The following GMDS variants were observed in gnomAD, a reference collection of about 807,000 sequenced individuals.
The protein encoded by GMDS is GDP-mannose 4,6 dehydratase.
In GMDS, 20 loss-of-function variants were observed where a neutral mutation model predicts 49.9. That is an observed-to-expected ratio of 0.40 (90% CI 0.28 to 0.58). The LOEUF is 0.58. Among genes scored for constraint, GMDS ranks in the 20% least tolerant of loss-of-function variants. The pLI is 0.42. For missense variants in GMDS, 362 were observed against 481.4 expected, an observed-to-expected ratio of 0.75 and a Z score of 2.32; for synonymous variants, 177 against 178.6, an observed-to-expected ratio of 0.99 and a Z score of 0.07.
chr6:1,992,680 C>A (rs1334876605), intron 4 of GMDS, among the ~76,000 whole-genome samples: 12 of 152,130 alleles, frequency 7.9e-5, no homozygotes, highest in Admixed American at 4.6e-4. Flanking sequence ...CTACAGGATT[C>A]ATCATCTTCT....
At chr6:1,965,032 T>A (rs889171861) in intron 4 of GMDS, among the ~76,000 whole-genome samples, 1 of 146,040 alleles carries the variant, frequency 6.8e-6, no homozygotes, top group African/African-American at 2.6e-5. Context: ...TAGTATTCCA[T>A]GGTGTATATG....
intron 6 of GMDS, among the ~76,000 whole-genome samples, chr6:1,958,957 A>G (rs1208910077): frequency 6.6e-6 from 1 of 152,220 alleles, no homozygotes; most frequent in African/African-American, 2.4e-5. Context: ...TTAAAACTTA[A>G]TACTGGGAAC....
intron 6 of GMDS, among the ~76,000 whole-genome samples, chr6:1,933,584 T>A (rs574665707): frequency 6.6e-6 from 1 of 152,226 alleles, no homozygotes; most frequent in East Asian, 1.9e-4. Flanking sequence ...TGGTATCTTA[T>A]TGTGGTTCCG....
chr6:2,078,196 A>C (rs1228521821), intron 4 of GMDS, among the ~76,000 whole-genome samples: 1 of 151,940 alleles, frequency 6.6e-6, no homozygotes, highest in East Asian at 1.9e-4. Flanking sequence ...TGATTTATCA[A>C]TTTTGTGTCT....
intron 7 of GMDS, among the ~76,000 whole-genome samples, chr6:1,877,542 G>A (rs1046137227): frequency 6.6e-6 from 1 of 151,560 alleles, no homozygotes; most frequent in Non-Finnish European, 1.5e-5. Flanking sequence ...GGAAGTTGAG[G>A]AGGGAGGATC....
chr6:1,969,729 C>A (rs563235919), intron 4 of GMDS, among the ~76,000 whole-genome samples: 2 of 152,266 alleles, frequency 1.3e-5, no homozygotes, highest in South Asian at 4.2e-4. Context: ...TTCCTTCCCC[C>A]AAGAGGCCTT....
rs1238834856 is a variant in GMDS, at chr6:1,836,191, G to A, written c.772-93605C>T. Reference sequence around the variant, plus strand: ...CTCGTTTGCTTTATTTTTTAAGTACGTTTTTGATTCACTAGTATCTTGTCA... The same window carrying A: ...CTCGTTTGCTTTATTTTTTAAGTACATTTTTGATTCACTAGTATCTTGTCA... On this transcript the variant is annotated intron_variant, in intron 7 of 10. Coordinates refer to ENST00000380815, the MANE Select transcript of GMDS (RefSeq NM_001500.4). This position sits in a 1 kb window ranked among gnomAD's most constrained non-coding sequence, Gnocchi z 4.2. Among the ~76,000 whole-genome samples the A allele has an allele frequency of 3.9e-5, 6 of 152,096 alleles. No individual in the cohort carries two copies. The highest frequency in any genetic ancestry group is 4.1e-4 in the South Asian group (2 of 4,828).
chr6:1,973,776 C>A (rs972707443), intron 4 of GMDS, among the ~76,000 whole-genome samples: 1 of 152,018 alleles, frequency 6.6e-6, no homozygotes, highest in African/African-American at 2.4e-5. Context: ...GCTAATAATT[C>A]TTTAGTTAAT....
intron 1 of GMDS, among the ~76,000 whole-genome samples, chr6:2,146,194 G>T (rs1316491582): frequency 6.6e-6 from 1 of 152,206 alleles, no homozygotes; most frequent in African/African-American, 2.4e-5. Context: ...ATGTTCTTGT[G>T]CACTGTTGGT....
chr6:1,658,465 G>A (rs1487672861), intron 9 of GMDS, among the ~76,000 whole-genome samples: 1 of 152,248 alleles, frequency 6.6e-6, no homozygotes. Context: ...AGGTGAGAGT[G>A]CATCACAGGC....
intron 9 of GMDS, among the ~76,000 whole-genome samples, chr6:1,678,542 G>A (rs1348858355): frequency 6.6e-6 from 1 of 152,018 alleles, no homozygotes; most frequent in Non-Finnish European, 1.5e-5. Flanking sequence ...CTCCTTACAA[G>A]TTGGGCTGGA....
intron 7 of GMDS, among the ~76,000 whole-genome samples, chr6:1,851,261 T>G (rs560928208): frequency 0.028 from 4,284 of 152,236 alleles, 197 homozygotes; most frequent in African/African-American, 0.097. Flanking sequence ...AAAGGCCGAG[T>G]GATTAGCTAT....
chr6:2,213,359 G>A (rs1780161436), intron 1 of GMDS, among the ~76,000 whole-genome samples: 1 of 152,148 alleles, frequency 6.6e-6, no homozygotes, highest in Non-Finnish European at 1.5e-5. Context: ...TGGGACCTTA[G>A]GCCCATTAAG....
At chr6:1,659,559 G>C (rs7753494) in intron 9 of GMDS, among the ~76,000 whole-genome samples, 1 of 152,102 alleles carries the variant, frequency 6.6e-6, no homozygotes, top group African/African-American at 2.4e-5. Flanking sequence ...AAGGGGCTGG[G>C]TGGACAGGAA....
At chr6:1,873,183 G>T (rs938077259) in intron 7 of GMDS, among the ~76,000 whole-genome samples, 2 of 152,178 alleles carry the variant, frequency 1.3e-5, no homozygotes, top group South Asian at 2.1e-4. Flanking sequence ...TAGAATTAAC[G>T]AACTAAATGT....
chr6:1,730,611 T>C (rs906230627), intron 8 of GMDS, among the ~76,000 whole-genome samples: 9 of 151,970 alleles, frequency 5.9e-5, no homozygotes, highest in African/African-American at 2.2e-4. Context: ...CAGAGGAAAT[T>C]AGGTGCTTGT....
chr6:2,176,794 T>C (rs1466160104), intron 1 of GMDS, among the ~76,000 whole-genome samples: 1 of 152,100 alleles, frequency 6.6e-6, no homozygotes, highest in African/African-American at 2.4e-5. Context: ...AAGACACCTT[T>C]CAGTGCTAGG....
At chr6:1,874,054 C>A (rs1194655194) in intron 7 of GMDS, among the ~76,000 whole-genome samples, 1 of 152,206 alleles carries the variant, frequency 6.6e-6, no homozygotes, top group Non-Finnish European at 1.5e-5. Context: ...CTGCCTCGAA[C>A]AGGGCACCGG....
At chr6:1,966,871 C>T (rs1764291298) in intron 4 of GMDS, among the ~76,000 whole-genome samples, 1 of 152,190 alleles carries the variant, frequency 6.6e-6, no homozygotes, top group African/African-American at 2.4e-5. Flanking sequence ...TTAACCAGTT[C>T]CCACCACTTA....
Sources: allele counts gnomAD v4.1 joint callset (sites outside exome capture counted in the v4.1 genomes callset), GRCh38; gene constraint gnomAD v4.1.1; non-coding constraint Gnocchi (gnomAD v3.1); transcripts MANE v1.5; gene names NCBI Gene and HGNC (gene_info 2026-07-23, HGNC 2026-07-21).